DPYD: variants seen among roughly 807,000 people sequenced by gnomAD.
DPYD encodes the protein dihydropyrimidine dehydrogenase.
A neutral mutation model predicts 116.2 loss-of-function variants in DPYD; 109 were observed. That is an observed-to-expected ratio of 0.94 (90% CI 0.80 to 1.10). The LOEUF (loss-of-function observed/expected upper bound fraction) is 1.10. Among genes scored for constraint, DPYD ranks in the 50% least tolerant of loss-of-function variants. The pLI, the probability that DPYD is intolerant of heterozygous loss-of-function variation, is 0.00. For missense variants in DPYD, 1,302 were observed against 1,254.5 expected (o/e 1.04, Z -0.57); for synonymous variants, 440 against 432.0 (o/e 1.02, Z -0.23).
chr1:97,742,557 T>G (rs1212526080), intron 3 of DPYD, among the ~76,000 whole-genome samples: 2 of 152,034 alleles, frequency 1.3e-5, no homozygotes, highest in African/African-American at 4.8e-5. Flanking sequence ...ATACTTAACG[T>G]TTTTTCCCCG....
At chr1:97,820,846 A>G (rs1228279117) in intron 3 of DPYD, among the ~76,000 whole-genome samples, 1 of 152,214 alleles carries the variant, frequency 6.6e-6, no homozygotes, top group Non-Finnish European at 1.5e-5. Flanking sequence ...CCATAGAGAT[A>G]TACTCATAAA....
chr1:97,180,612 T>C lies in DPYD; in HGVS notation c.2622+12457A>G, dbSNP rs534156446. 8.7e-4 allele frequency among the ~76,000 whole-genome samples: 132 copies of C among 152,272 alleles called. 1 individual carries two copies. Among genetic ancestry groups the C allele is most frequent in the Non-Finnish European group, 4.7e-4 (32 of 68,018 alleles). On this transcript the variant is annotated intron_variant, in intron 20 of 22. Coordinates refer to ENST00000370192, the MANE Select transcript of DPYD (RefSeq NM_000110.4). ...CAATCTCCACCCAGAACAAGAACAA[T>C]CCTCATTTTTTTTCATGGTTTAAAA...
At chr1:97,369,886 C>A (rs1671229420) in intron 16 of DPYD, among the ~76,000 whole-genome samples, 1 of 152,008 alleles carries the variant, frequency 6.6e-6, no homozygotes, top group African/African-American at 2.4e-5. Flanking sequence ...GTAAAATATA[C>A]CAAAAAGCGA....
At chr1:97,713,980 T>C (rs1445744668) in intron 5 of DPYD, among the ~76,000 whole-genome samples, 1 of 152,102 alleles carries the variant, frequency 6.6e-6, no homozygotes, top group Admixed American at 6.6e-5. Context: ...TTATTAGCTA[T>C]ATATATTAGT....
At chr1:97,494,530 A>T (rs1679151483) in intron 13 of DPYD, among the ~76,000 whole-genome samples, 2 of 152,104 alleles carry the variant, frequency 1.3e-5, no homozygotes, top group African/African-American at 4.8e-5. Context: ...CCTACAGTTT[A>T]TAAGAACACA....
rs1188715144 is a variant in DPYD at position 97,495,885 on chromosome 1, T to C, written c.1740+19841A>G. 5.3e-5 allele frequency among the ~76,000 whole-genome samples: 8 copies of C among 152,124 alleles called. No individual in the cohort carries two copies. In the East Asian group the frequency reaches 1.2e-3, roughly 22 times the overall value. ...AGTACCTATATCACATCTGAAAAAT[T>C]ATTAACATTTTCAGATCAATTTTAA... is the stretch of plus-strand genomic sequence containing the variant. On this transcript the variant is annotated intron_variant, in intron 13 of 22. Transcript: ENST00000370192.
chr1:97,670,987 T>C (rs1659832470), intron 8 of DPYD, among the ~76,000 whole-genome samples: 1 of 151,860 alleles, frequency 6.6e-6, no homozygotes, highest in Non-Finnish European at 1.5e-5. Flanking sequence ...CATGTCTCCA[T>C]CCAAAGAAAT....
chr1:97,338,401 G>C (rs998643095), intron 16 of DPYD, among the ~76,000 whole-genome samples: 1 of 152,086 alleles, frequency 6.6e-6, no homozygotes, highest in African/African-American at 2.4e-5. Flanking sequence ...TTATCTTGGG[G>C]AAGGGAGAAG....
intron 18 of DPYD, among the ~76,000 whole-genome samples, chr1:97,251,955 C>G (rs1663128662): frequency 6.6e-6 from 1 of 152,098 alleles, no homozygotes; most frequent in Non-Finnish European, 1.5e-5. Flanking sequence ...ATGAGAATGT[C>G]TGTTTCTGCA....
At chr1:97,670,419 T>C (rs1043303741) in intron 8 of DPYD, among the ~76,000 whole-genome samples, 2 of 152,146 alleles carry the variant, frequency 1.3e-5, no homozygotes, top group African/African-American at 4.8e-5. Flanking sequence ...AGTGCCCTTA[T>C]AGAAAGAAGA....
intron 5 of DPYD, among the ~76,000 whole-genome samples, chr1:97,704,502 A>G (rs1308005871): frequency 6.6e-6 from 1 of 152,102 alleles, no homozygotes; most frequent in Non-Finnish European, 1.5e-5. Context: ...TACAAAATTT[A>G]AAATGTCCAT....
chr1:97,284,050 A>C (rs1457823697), intron 18 of DPYD, among the ~76,000 whole-genome samples: 1 of 152,142 alleles, frequency 6.6e-6, no homozygotes, highest in African/African-American at 2.4e-5. Flanking sequence ...ACTATCTTAT[A>C]CTTTAATTAA....
chr1:97,206,062 C>T (rs1228260053), intron 19 of DPYD, among the ~76,000 whole-genome samples: 3 of 151,732 alleles, frequency 2.0e-5, no homozygotes, highest in Non-Finnish European at 4.4e-5. Context: ...AAAGATACAA[C>T]TCAGAAACAG....
chr1:97,835,319 A>C (rs1326063375), intron 2 of DPYD, among the ~76,000 whole-genome samples: 5 of 152,084 alleles, frequency 3.3e-5, no homozygotes, highest in Non-Finnish European at 5.9e-5. Context: ...ATCCACTCAA[A>C]GTGTTATTGT....
intron 20 of DPYD, among the ~76,000 whole-genome samples, chr1:97,135,423 C>T (rs1269946508): frequency 6.6e-6 from 1 of 152,138 alleles, no homozygotes; most frequent in Non-Finnish European, 1.5e-5. Context: ...AGTTTCTTGG[C>T]TACCAATAAG....
chr1:97,793,678 A>C (rs1417069949), intron 3 of DPYD, among the ~76,000 whole-genome samples: 1 of 152,172 alleles, frequency 6.6e-6, no homozygotes, highest in Non-Finnish European at 1.5e-5. Context: ...ACGAAAAAAA[A>C]CTTTGACCAT....
At chr1:97,598,110 T>C (rs151045893) in intron 8 of DPYD, among the ~76,000 whole-genome samples, 109 of 152,288 alleles carry the variant, frequency 7.2e-4, no homozygotes, top group African/African-American at 2.5e-3. Flanking sequence ...TTATCAATTA[T>C]TTCATACTTC....
At chr1:97,836,580 G>A (rs1287907179) in intron 2 of DPYD, among the ~76,000 whole-genome samples, 5 of 151,832 alleles carry the variant, frequency 3.3e-5, no homozygotes, top group Admixed American at 2.0e-4. Flanking sequence ...TTAAAAATAC[G>A]TTGTTTAAAA....
At chr1:97,413,599 G>C (rs1379604938) in intron 14 of DPYD, among the ~76,000 whole-genome samples, 1 of 151,972 alleles carries the variant, frequency 6.6e-6, no homozygotes, top group Non-Finnish European at 1.5e-5. Flanking sequence ...AAGTAGCTGG[G>C]ACTACGGACA....
Sources: allele counts gnomAD v4.1 joint callset (sites outside exome capture counted in the v4.1 genomes callset), GRCh38; gene constraint gnomAD v4.1.1; transcripts MANE v1.5; gene names NCBI Gene and HGNC (gene_info 2026-07-23, HGNC 2026-07-21).